The following MDGA2 variants were observed in gnomAD, a reference collection of about 807,000 sequenced individuals.
MDGA2 encodes MAM domain-containing glycosylphosphatidylinositol anchor protein 2.
In MDGA2, 40 loss-of-function variants were observed where a neutral mutation model predicts 117.8. The ratio of observed to expected loss-of-function variants is 0.34; its 90% CI spans 0.26 to 0.44. The LOEUF (loss-of-function observed/expected upper bound fraction) is 0.44, where lower values mean the gene tolerates loss of function less well. Among genes scored for constraint, MDGA2 ranks in the 20% least tolerant of loss-of-function variants. The pLI, the probability that MDGA2 is intolerant of heterozygous loss-of-function variation, is 1.00. For missense variants in MDGA2, 1,123 were observed against 1,250.6 expected (o/e 0.90, Z 1.54); for synonymous variants, 452 against 439.0 (o/e 1.03, Z -0.37).
At chr14:47,430,960 C>T (rs777198480) in intron 1 of MDGA2, among the ~76,000 whole-genome samples, 1 of 151,984 alleles carries the variant, frequency 6.6e-6, no homozygotes, top group Non-Finnish European at 1.5e-5. Context: ...ATGTGCAGGG[C>T]TTAAAATTGT....
At chr14:47,259,658 T>G (rs568850168) in intron 2 of MDGA2, among the ~76,000 whole-genome samples, 1 of 151,934 alleles carries the variant, frequency 6.6e-6, no homozygotes, top group African/African-American at 2.4e-5. Flanking sequence ...ATACTAGATG[T>G]GGCTACTGAA....
At chr14:47,328,414 T>C (rs964273019) in intron 1 of MDGA2, among the ~76,000 whole-genome samples, 6 of 152,140 alleles carry the variant, frequency 3.9e-5, no homozygotes, top group Non-Finnish European at 7.4e-5. Context: ...AAAGAACCTA[T>C]TCTTCTTCTT....
At chr14:47,564,117 G>A (rs940235495) in intron 1 of MDGA2, among the ~76,000 whole-genome samples, 3 of 152,134 alleles carry the variant, frequency 2.0e-5, no homozygotes, top group Non-Finnish European at 2.9e-5. Context: ...TCTGCTAAAA[G>A]GTCCACTGTT....
At chr14:47,431,198 A>G (rs1892791480) in intron 1 of MDGA2, among the ~76,000 whole-genome samples, 1 of 152,070 alleles carries the variant, frequency 6.6e-6, no homozygotes, top group Admixed American at 6.6e-5. Context: ...GAGAGAATGA[A>G]TAATTATTAA....
At chr14:47,519,244 C>A (rs916292696) in intron 1 of MDGA2, among the ~76,000 whole-genome samples, 1 of 152,002 alleles carries the variant, frequency 6.6e-6, no homozygotes, top group African/African-American at 2.4e-5. Flanking sequence ...AAAAACACTA[C>A]CAATTAAAAT....
intron 9 of MDGA2, among the ~76,000 whole-genome samples, chr14:46,949,412 A>T (rs958684563): frequency 6.6e-6 from 1 of 151,980 alleles, no homozygotes; most frequent in Non-Finnish European, 1.5e-5. Context: ...GCTATATTGC[A>T]TAATGCTGAG....
At chr14:47,020,192 G>C (rs1029027410) in intron 8 of MDGA2, among the ~76,000 whole-genome samples, 2 of 152,042 alleles carry the variant, frequency 1.3e-5, no homozygotes, top group African/African-American at 2.4e-5. Flanking sequence ...CAATGAAAAC[G>C]CATCAGTGTT....
chr14:47,339,635 T>G (rs955266649), intron 1 of MDGA2, among the ~76,000 whole-genome samples: 13 of 152,150 alleles, frequency 8.5e-5, no homozygotes, highest in African/African-American at 3.1e-4. Flanking sequence ...TCACTGCACA[T>G]GCTGGCTCCC....
At chr14:46,881,335 T>A (rs1882450837) in intron 11 of MDGA2, among the ~76,000 whole-genome samples, 1 of 152,078 alleles carries the variant, frequency 6.6e-6, no homozygotes, top group African/African-American at 2.4e-5. Flanking sequence ...AGTAAACATA[T>A]CATTGGTTGC....
intron 1 of MDGA2, among the ~76,000 whole-genome samples, chr14:47,333,557 T>C (rs1227821759): frequency 6.6e-6 from 1 of 151,838 alleles, no homozygotes; most frequent in Non-Finnish European, 1.5e-5. Context: ...TTTTATTTGT[T>C]TCATAATATT....
chr14:47,124,335 C>T (rs1364239817), intron 5 of MDGA2, among the ~76,000 whole-genome samples: 2 of 151,990 alleles, frequency 1.3e-5, no homozygotes, highest in Non-Finnish European at 2.9e-5. Context: ...TCTGTCTCTC[C>T]CTAAAATTTC....
At chr14:47,038,639 A>G (rs976998866) in intron 7 of MDGA2, among the ~76,000 whole-genome samples, 7 of 152,098 alleles carry the variant, frequency 4.6e-5, no homozygotes, top group South Asian at 2.1e-4. Flanking sequence ...AGATTATTTA[A>G]TATCTGTCTC....
intron 2 of MDGA2, among the ~76,000 whole-genome samples, chr14:47,236,494 G>T (rs900471206): frequency 6.6e-6 from 1 of 152,022 alleles, no homozygotes; most frequent in African/African-American, 2.4e-5. Flanking sequence ...ATGTTAAGTA[G>T]GCAGGATGCT....
At chr14:47,143,275 C>T (rs1882800918) in intron 4 of MDGA2, among the ~76,000 whole-genome samples, 1 of 152,058 alleles carries the variant, frequency 6.6e-6, no homozygotes, top group Admixed American at 6.6e-5. Context: ...CCACGCCTAG[C>T]CAATTTATAT....
chr14:47,174,943 G>A (rs1189319504), intron 3 of MDGA2, among the ~76,000 whole-genome samples: 1 of 151,996 alleles, frequency 6.6e-6, no homozygotes, highest in Non-Finnish European at 1.5e-5. Context: ...TCAAATAGAT[G>A]CAATAAAAAA....
chr14:47,108,816 C>A (rs8020318), intron 5 of MDGA2, among the ~76,000 whole-genome samples: 2 of 151,920 alleles, frequency 1.3e-5, no homozygotes. Flanking sequence ...GCTAGAGAAA[C>A]AGAACTTGTG....
intron 14 of MDGA2, chr14:46,871,283 T>A (rs1449496327): frequency 1.3e-5 from 2 of 151,966 alleles, no homozygotes; most frequent in East Asian, 3.9e-4. Flanking sequence ...GAAAATCTAA[T>A]AACTCACACC....
At chr14:47,554,605 G>A (rs185832341) in intron 1 of MDGA2, among the ~76,000 whole-genome samples, 99 of 152,164 alleles carry the variant, frequency 6.5e-4, no homozygotes, top group African/African-American at 2.0e-3. Flanking sequence ...TTAATGTTAC[G>A]TGTTTTGTTT....
intron 4 of MDGA2, among the ~76,000 whole-genome samples, chr14:47,132,476 T>C (rs1280638261): frequency 6.6e-6 from 1 of 151,906 alleles, no homozygotes; most frequent in African/African-American, 2.4e-5. Flanking sequence ...GTTTAAGGGG[T>C]AACTCTCCAG....
Sources: gnomAD v4.1 joint callset for allele counts (sites outside exome capture counted in the v4.1 genomes callset) on GRCh38, gnomAD v4.1.1 for gene constraint, MANE v1.5 for transcripts, NCBI Gene and HGNC (gene_info 2026-07-23, HGNC 2026-07-21) for gene names.